DPY19L1: variants seen among roughly 807,000 people sequenced by gnomAD.
The protein encoded by DPY19L1 is protein C-mannosyl-transferase DPY19L1.
Under a neutral mutation model 96.9 loss-of-function variants are expected in DPY19L1, and 35 were observed. That is an observed-to-expected ratio of 0.36 (90% CI 0.28 to 0.48). The LOEUF (loss-of-function observed/expected upper bound fraction) is 0.48, where lower values mean the gene tolerates loss of function less well. DPY19L1 is among the 20% of genes least tolerant of loss of function. The pLI, the probability that DPY19L1 is intolerant of heterozygous loss-of-function variation, is 0.99. For synonymous variants in DPY19L1, 205 were observed against 252.6 expected, an observed-to-expected ratio of 0.81 and a Z score of 1.79; for missense variants, 521 against 777.9, an observed-to-expected ratio of 0.67 and a Z score of 3.93.
At chr7:34,951,702 A>C (rs2128784832) in intron 13 of DPY19L1, among the ~76,000 whole-genome samples, 1 of 152,116 alleles carries the variant, frequency 6.6e-6, no homozygotes, top group South Asian at 2.1e-4. Flanking sequence ...GGTGACAAAG[A>C]GAAACACAAT....
intron 6 of DPY19L1, among the ~76,000 whole-genome samples, chr7:34,993,989 C>T (rs1384379638): frequency 6.6e-6 from 1 of 152,034 alleles, no homozygotes; most frequent in Non-Finnish European, 1.5e-5. Flanking sequence ...TCGTTTGAAC[C>T]GGGAAGGTGG....
chr7:35,017,481 G>C (rs1018467589), intron 3 of DPY19L1, among the ~76,000 whole-genome samples: 2 of 99,444 alleles, frequency 2.0e-5, no homozygotes, highest in African/African-American at 8.6e-5. Flanking sequence ...CGGCCTGGGC[G>C]ACAGAGCGAG....
intron 7 of DPY19L1, among the ~76,000 whole-genome samples, chr7:34,986,275 G>A (rs1241830833): frequency 2.6e-5 from 4 of 151,876 alleles, no homozygotes; most frequent in South Asian, 2.1e-4. Context: ...TGCATATTTC[G>A]AAATTGCTAA....
chr7:35,011,538 C>T (rs902188227), intron 4 of DPY19L1, 88 bp from the exon 5 acceptor site: 2 of 1,288,572 alleles, frequency 1.6e-6, no homozygotes, highest in Non-Finnish European at 2.1e-6. Context: ...TGACAATTAC[C>T]ATATTTTCCC....
intron 15 of DPY19L1, among the ~76,000 whole-genome samples, chr7:34,946,356 T>C (rs1024413193): frequency 2.0e-5 from 3 of 152,234 alleles, no homozygotes; most frequent in Admixed American, 6.5e-5. Context: ...CCTCCTGGAA[T>C]TGGCCATGAT....
Position 34,974,401 on chromosome 7 carries a change from A to G in DPY19L1, c.823-796T>C, listed in dbSNP as rs1229424704. Among the ~76,000 whole-genome samples the G allele has an allele frequency of 2.0e-5, 3 of 152,226 alleles. No homozygotes were observed. The East Asian group carries it at 5.8e-4, about 29-fold the overall frequency. On this transcript the variant is annotated intron_variant, in intron 7 of 21. Transcript: ENST00000638088. Reference sequence around the variant, plus strand: ...CTAAAAAGATTCCACAGAATGACAAAGACCATGTCAGAAATAAGTGTTTCC... The same window carrying G: ...CTAAAAAGATTCCACAGAATGACAAGGACCATGTCAGAAATAAGTGTTTCC...
At position 35,037,483 on chromosome 7, in the gene DPY19L1, T is replaced by G; in HGVS notation, c.-89A>C. On this transcript the variant is annotated 5_prime_UTR_variant, in exon 1 of 22. Transcript: ENST00000638088. ...CTGGGCGGCTGGGCGCAGCTCACTCTCCAGCGGGCGGGCGGGCGGAGGGTG... is the reference window on the plus strand; with the variant it reads ...CTGGGCGGCTGGGCGCAGCTCACTCGCCAGCGGGCGGGCGGGCGGAGGGTG... 9.8e-6 allele frequency: 3 copies of G among 304,910 alleles called. No homozygotes were observed. Among genetic ancestry groups the G allele is most frequent in the African/African-American group, 2.2e-5 (1 of 44,756 alleles). The allele number at this position is 304,910 out of a possible 1,614,324, so 18.9% of individuals were successfully genotyped here.
chr7:34,973,875 A>G (rs1272287276), intron 7 of DPY19L1, among the ~76,000 whole-genome samples: 6 of 152,100 alleles, frequency 3.9e-5, no homozygotes, highest in Admixed American at 2.0e-4. Context: ...ACATCTTAAA[A>G]GGAAAGGGAG....
At chr7:34,982,880 G>T (rs6462589) in intron 7 of DPY19L1, among the ~76,000 whole-genome samples, 29,212 of 152,062 alleles carry the variant, frequency 0.19, 3,195 homozygotes, top group Admixed American at 0.35. Context: ...TGGTTTCGGG[G>T]CCTTGGCACA....
intron 6 of DPY19L1, among the ~76,000 whole-genome samples, chr7:34,997,630 A>AAAAAAAAT (rs1237747852): frequency 6.8e-6 from 1 of 146,450 alleles, no homozygotes. Flanking sequence ...AAAAAAAAAA[A>AAAAAAAAT]AAAGTAGCTG....
chr7:35,009,516 T>C (rs1785648580), intron 6 of DPY19L1, among the ~76,000 whole-genome samples: 1 of 152,220 alleles, frequency 6.6e-6, no homozygotes, highest in Non-Finnish European at 1.5e-5. Context: ...ATACTAAATA[T>C]TGTACAGAAG....
intron 1 of DPY19L1, among the ~76,000 whole-genome samples, chr7:35,035,231 G>A (rs1786363342): frequency 6.6e-6 from 1 of 152,098 alleles, no homozygotes; most frequent in African/African-American, 2.4e-5. Flanking sequence ...ATGGTCCAGG[G>A]TACACCCAAA....
rs766838815 is a variant in DPY19L1 at position 34,942,677 on chromosome 7, T to C, written c.1545-38A>G. 1.0e-5 allele frequency: 16 copies of C among 1,554,674 alleles called. No homozygotes were observed. The South Asian group carries it at 1.3e-4, about 13-fold the overall frequency. ...AAAATATATTGCCATCAATTCATTA[T>C]TGAAGCACTTACGTCATATATTTGC... On this transcript the variant is annotated intron_variant, in intron 16 of 21. Coordinates refer to ENST00000638088, the MANE Select transcript of DPY19L1 (RefSeq NM_001366673.1).
At chr7:34,993,563 C>T (rs1205187041) in intron 6 of DPY19L1, among the ~76,000 whole-genome samples, 1 of 151,918 alleles carries the variant, frequency 6.6e-6, no homozygotes, top group Non-Finnish European at 1.5e-5. Context: ...GTAATTCTTA[C>T]CAACTTATTC....
chr7:34,936,513 A>G (rs1265846464), intron 21 of DPY19L1, among the ~76,000 whole-genome samples: 1 of 152,226 alleles, frequency 6.6e-6, no homozygotes, highest in Admixed American at 6.5e-5. Flanking sequence ...TCTGGTAGAA[A>G]GCTATGCTAA....
chr7:34,949,887 G>A lies in DPY19L1; in HGVS notation c.1332C>T (p.Gly444=). The A allele has an allele frequency of 1.9e-6, 3 of 1,553,444 alleles. No homozygotes were observed. The highest frequency in any genetic ancestry group is 2.6e-6 in the Non-Finnish European group (3 of 1,136,908). The change falls in exon 14 of 22, where the codon GGC becomes GGT. Residue 444 remains glycine, a synonymous_variant. Transcript: ENST00000638088. The part of the protein sequence containing the change: ...IFGIADDAHI[G]NLLTSKFFSY... ...TAAAGAATTTTGATGTTAGTAAGTTGCCAATATGAGCCTGGTAAGAAATAA... is the reference window on the plus strand; with the variant it reads ...TAAAGAATTTTGATGTTAGTAAGTTACCAATATGAGCCTGGTAAGAAATAA...
intron 14 of DPY19L1, 102 bp from the exon 15 acceptor site, chr7:34,947,803 G>C: frequency 1.1e-6 from 1 of 909,974 alleles, no homozygotes; most frequent in Admixed American, 2.3e-5. Flanking sequence ...AGAGAAATAT[G>C]AACATTCACC....
intron 21 of DPY19L1, among the ~76,000 whole-genome samples, chr7:34,935,334 T>C (rs1421105912): frequency 6.6e-6 from 1 of 152,090 alleles, no homozygotes; most frequent in Non-Finnish European, 1.5e-5. Context: ...AGGCCAGCCA[T>C]CTGCAAATAG....
chr7:34,962,130 A>C (rs1584221042), intron 10 of DPY19L1, among the ~76,000 whole-genome samples: 1 of 152,354 alleles, frequency 6.6e-6, no homozygotes, highest in Non-Finnish European at 1.5e-5. Flanking sequence ...ATCCATGTAA[A>C]AACCTGCATA....
Sources: gnomAD v4.1 joint callset for allele counts (sites outside exome capture counted in the v4.1 genomes callset) on GRCh38, gnomAD v4.1.1 for gene constraint, MANE v1.5 for transcripts, NCBI Gene and HGNC (gene_info 2026-07-23, HGNC 2026-07-21) for gene names.